Variants in SMAP1 observed in about 807,000 individuals in gnomAD.
SMAP1 encodes the protein small ArfGAP 1, also known as stromal membrane-associated protein 1.
SMAP1 carries 24 observed loss-of-function variants against 58.5 expected under a neutral mutation model. That is an observed-to-expected ratio of 0.41 (90% CI 0.30 to 0.58). The LOEUF is 0.58. SMAP1 is among the 20% of genes least tolerant of loss of function. The pLI is 0.29. For synonymous variants in SMAP1, 216 were observed against 196.6 expected, an observed-to-expected ratio of 1.10 and a Z score of -0.82; for missense variants, 563 against 566.3, an observed-to-expected ratio of 0.99 and a Z score of 0.06.
chr6:70,756,415 C>T (rs575118366), intron 3 of SMAP1, among the ~76,000 whole-genome samples: 3 of 152,038 alleles, frequency 2.0e-5, no homozygotes, highest in East Asian at 1.9e-4. Flanking sequence ...TGTTTCTGTT[C>T]GCCCCACTCC....
chr6:70,728,962 T>C (rs528267352), intron 1 of SMAP1, among the ~76,000 whole-genome samples: 122 of 152,346 alleles, frequency 8.0e-4, no homozygotes, highest in African/African-American at 2.9e-3. Flanking sequence ...CTTAGCCCAA[T>C]TACTCTTGAC....
At chr6:70,855,110 ACC>A (rs1491016139) in intron 8 of SMAP1, among the ~76,000 whole-genome samples, 1 of 151,924 alleles carries the variant, frequency 6.6e-6, no homozygotes, top group Admixed American at 6.6e-5. Context: ...ATATACATAT[ACC>A]AACAGTACCT....
At position 70,740,479 on chromosome 6, in the gene SMAP1, C is replaced by A. The variant is rs9283836; in HGVS notation, c.252+7968C>A. Among the ~76,000 whole-genome samples the A allele has an allele frequency of 6.4e-3, 935 of 146,378 alleles. 13 individuals carry two copies. The highest frequency in any genetic ancestry group is 0.049 in the East Asian group (247 of 5,020). Reference sequence around the variant, plus strand: ...AGACTCCATCTCAAAAAAAAAAAAACAAAAAAAAAACCCAAGGCCATTTGT... The same window carrying A: ...AGACTCCATCTCAAAAAAAAAAAAAAAAAAAAAAAACCCAAGGCCATTTGT... On this transcript the variant is annotated intron_variant, in intron 2 of 10. Coordinates refer to ENST00000370455, the MANE Select transcript of SMAP1 (RefSeq NM_001044305.3).
At chr6:70,760,990 G>A (rs1481102748) in intron 3 of SMAP1, among the ~76,000 whole-genome samples, 1 of 151,958 alleles carries the variant, frequency 6.6e-6, no homozygotes, top group African/African-American at 2.4e-5. Flanking sequence ...AGTTCCATGA[G>A]ATCTATTGTG....
intron 1 of SMAP1, among the ~76,000 whole-genome samples, chr6:70,689,526 T>C (rs897216477): frequency 2.0e-5 from 3 of 152,204 alleles, no homozygotes; most frequent in Non-Finnish European, 4.4e-5. Context: ...AACTTTGTTA[T>C]TTTTTTCGAA....
intron 3 of SMAP1, among the ~76,000 whole-genome samples, chr6:70,767,016 T>C (rs1159879856): frequency 9.9e-5 from 15 of 152,054 alleles, no homozygotes. Flanking sequence ...CCTTTCCCCA[T>C]TGCTTGTTTT....
chr6:70,828,940 G>A (rs1770249863), intron 6 of SMAP1, among the ~76,000 whole-genome samples: 2 of 152,182 alleles, frequency 1.3e-5, no homozygotes, highest in Non-Finnish European at 2.9e-5. Flanking sequence ...CAGCTACTTG[G>A]GAGGCTGAGG....
At position 70,812,710 on chromosome 6, in the gene SMAP1, C is replaced by G. The variant is rs527376926; in HGVS notation, c.576+13973C>G. On this transcript the variant is annotated intron_variant, in intron 6 of 10. Coordinates refer to ENST00000370455, the MANE Select transcript of SMAP1 (RefSeq NM_001044305.3). ...AGAATAAATATTAATAAAGCCTAGC[C>G]CTTTCAGAGTCTGTCCATTACCTAT... Among the ~76,000 whole-genome samples the G allele has an allele frequency of 4.6e-5, 7 of 152,194 alleles. No individual in the cohort carries two copies. In the East Asian group the frequency reaches 1.4e-3, roughly 29 times the overall value.
intron 6 of SMAP1, among the ~76,000 whole-genome samples, chr6:70,814,357 C>T (rs566764906): frequency 8.1e-4 from 123 of 152,300 alleles, no homozygotes; most frequent in Admixed American, 2.2e-3. Flanking sequence ...CTTATCACTT[C>T]ATAGTTACCT....
chr6:70,708,860 T>C (rs1172674539), intron 1 of SMAP1, among the ~76,000 whole-genome samples: 2 of 152,190 alleles, frequency 1.3e-5, no homozygotes, highest in Non-Finnish European at 2.9e-5. Flanking sequence ...AATTTAGATA[T>C]TAATTTCTTA....
intron 6 of SMAP1, among the ~76,000 whole-genome samples, chr6:70,834,624 G>A (rs1259223055): frequency 1.3e-5 from 2 of 152,138 alleles, no homozygotes; most frequent in Non-Finnish European, 2.9e-5. Flanking sequence ...GCTGTGATGA[G>A]ACCAATGAAG....
intron 1 of SMAP1, among the ~76,000 whole-genome samples, chr6:70,677,040 C>T (rs960918684): frequency 6.6e-6 from 1 of 152,186 alleles, no homozygotes; most frequent in South Asian, 2.1e-4. Flanking sequence ...ATCCTCTTGC[C>T]TAGGCCTCCT....
chr6:70,716,066 C>T (rs777252978), intron 1 of SMAP1, among the ~76,000 whole-genome samples: 17 of 152,222 alleles, frequency 1.1e-4, no homozygotes, highest in Admixed American at 9.2e-4. Flanking sequence ...GCCATTAATT[C>T]ATTCCTTTCT....
chr6:70,788,266 C>G (rs1053913120), intron 4 of SMAP1, among the ~76,000 whole-genome samples: 11 of 125,768 alleles, frequency 8.7e-5, no homozygotes, highest in African/African-American at 3.1e-4. Flanking sequence ...CACATGGACA[C>G]AGGAAGGGGA....
chr6:70,859,246 T>A (rs1771586229), intron 10 of SMAP1: 2 of 912,052 alleles, frequency 2.2e-6, no homozygotes, highest in Admixed American at 2.8e-5. Flanking sequence ...GTCAGTCACA[T>A]GGTCAACATG....
intron 6 of SMAP1, among the ~76,000 whole-genome samples, chr6:70,819,006 A>C (rs1769767025): frequency 6.6e-6 from 1 of 152,158 alleles, no homozygotes; most frequent in Non-Finnish European, 1.5e-5. Flanking sequence ...GAAACCCTAC[A>C]GCTATTAGTG....
intron 3 of SMAP1, among the ~76,000 whole-genome samples, chr6:70,771,057 G>GACAGCGGTGGCTGTAGA (rs1767275507): frequency 6.6e-6 from 1 of 151,580 alleles, no homozygotes; most frequent in Non-Finnish European, 1.5e-5. Flanking sequence ...GTGGCTACAG[G>GACAGCGGTGGCTGTAGA]ACAGCGGATT....
intron 1 of SMAP1, among the ~76,000 whole-genome samples, chr6:70,695,663 A>G (rs1017128985): frequency 3.9e-5 from 6 of 152,148 alleles, no homozygotes; most frequent in Non-Finnish European, 8.8e-5. Context: ...GAACTTTTTA[A>G]TATGTTGTTT....
chr6:70,850,692 TTA>T (rs1319087590), intron 7 of SMAP1, among the ~76,000 whole-genome samples: 1 of 152,110 alleles, frequency 6.6e-6, no homozygotes, highest in Non-Finnish European at 1.5e-5. Context: ...CACCACTGGC[TTA>T]TATGTCATTA....
Sources: allele counts gnomAD v4.1 joint callset (sites outside exome capture counted in the v4.1 genomes callset), GRCh38; gene constraint gnomAD v4.1.1; transcripts MANE v1.5; gene names NCBI Gene and HGNC (gene_info 2026-07-23, HGNC 2026-07-21).